Variants in SLC30A9 observed in about 807,000 individuals in gnomAD.
SLC30A9 encodes the protein proton-coupled zinc antiporter SLC30A9, mitochondrial.
SLC30A9 carries 58 observed loss-of-function variants against 87.5 expected under a neutral mutation model. The observed-to-expected ratio is 0.66, with a 90% CI of 0.54 to 0.82. SLC30A9 has a LOEUF of 0.82. Among genes scored for constraint, SLC30A9 ranks in the 40% least tolerant of loss-of-function variants. SLC30A9 has a pLI of 0.00. For missense variants in SLC30A9, 557 were observed against 679.1 expected (o/e 0.82, Z 2.00); for synonymous variants, 234 against 233.0 (o/e 1.00, Z -0.04).
At chr4:42,064,236 T>C (rs1356383444) in intron 11 of SLC30A9, among the ~76,000 whole-genome samples, 1 of 152,206 alleles carries the variant, frequency 6.6e-6, no homozygotes, top group Non-Finnish European at 1.5e-5. Context: ...GATGTGGAGC[T>C]AGCATGTAGT....
intron 15 of SLC30A9, among the ~76,000 whole-genome samples, chr4:42,072,452 T>C (rs1436220502): frequency 6.6e-6 from 1 of 152,172 alleles, no homozygotes; most frequent in East Asian, 1.9e-4. Context: ...TTCCATATAT[T>C]GTGCCATTTT....
chr4:42,038,915 C>G (rs1227447723), intron 7 of SLC30A9, 71 bp from the exon 8 acceptor site: 3 of 980,488 alleles, frequency 3.1e-6, no homozygotes, highest in Non-Finnish European at 4.9e-6. Context: ...TCTGGTCTGT[C>G]AAAGCCACCA....
At chr4:42,014,522 A>T (rs1264601919) in intron 2 of SLC30A9, among the ~76,000 whole-genome samples, 2 of 149,230 alleles carry the variant, frequency 1.3e-5, no homozygotes, top group Non-Finnish European at 3.0e-5. Flanking sequence ...GTGCTGCTGC[A>T]CTCCAGCCTG....
At chr4:42,023,992 G>A (rs1259333891) in intron 6 of SLC30A9, among the ~76,000 whole-genome samples, 1 of 152,170 alleles carries the variant, frequency 6.6e-6, no homozygotes, top group Admixed American at 6.5e-5. Flanking sequence ...CTCCCACCAT[G>A]GCCTGTCCTC....
At chr4:42,045,369 G>T (rs942181945) in intron 8 of SLC30A9, among the ~76,000 whole-genome samples, 6 of 152,038 alleles carry the variant, frequency 3.9e-5, no homozygotes, top group Non-Finnish European at 7.4e-5. Context: ...AATGAAAAAT[G>T]ATAAAGGGGA....
chr4:42,073,519 C>T (rs992569921), intron 15 of SLC30A9, among the ~76,000 whole-genome samples: 1 of 152,096 alleles, frequency 6.6e-6, no homozygotes, highest in Non-Finnish European at 1.5e-5. Context: ...AACATATTAC[C>T]ATCTTACAGT....
chr4:42,075,616 G>A, intron 15 of SLC30A9, 41 bp from the exon 16 acceptor site: 1 of 1,544,368 alleles, frequency 6.5e-7, no homozygotes, highest in African/African-American at 1.4e-5. Context: ...ATATGTGTAT[G>A]TATGTATAAA....
intron 14 of SLC30A9, chr4:42,070,256 C>G: frequency 3.4e-6 from 1 of 297,222 alleles, no homozygotes; most frequent in Non-Finnish European, 6.2e-6. Flanking sequence ...TGTCTCTAAT[C>G]TAAATGTGCT....
chr4:42,079,162 A>T (rs539989221), intron 17 of SLC30A9, among the ~76,000 whole-genome samples: 1 of 152,242 alleles, frequency 6.6e-6, no homozygotes, highest in African/African-American at 2.4e-5. Context: ...CTTAAAAATT[A>T]TTGCAGACCT....
intron 6 of SLC30A9, among the ~76,000 whole-genome samples, chr4:42,024,864 A>G (rs1716120935): frequency 6.6e-6 from 1 of 152,146 alleles, no homozygotes; most frequent in Non-Finnish European, 1.5e-5. Flanking sequence ...AATAATTTTT[A>G]TATGTTTTGT....
chr4:42,035,448 C>A, intron 7 of SLC30A9, 115 bp downstream of exon 7: 3 of 1,110,732 alleles, frequency 2.7e-6, no homozygotes, highest in Non-Finnish European at 3.8e-6. Context: ...TTCTTGAGTA[C>A]ATTGTAGTTC....
At chr4:42,030,499 T>C (rs1283670973) in intron 6 of SLC30A9, among the ~76,000 whole-genome samples, 2 of 152,164 alleles carry the variant, frequency 1.3e-5, no homozygotes, top group East Asian at 3.8e-4. Flanking sequence ...AGCCATGTGT[T>C]ATCGTATCTG....
rs970119872 is a variant in SLC30A9, at chr4:42,073,690, C to A, written c.1419-1967C>A. ...ATTGTTCGCAAGATTTAGCTCCTTG[C>A]CAAATGGGCCTCTTCAACATGGCAG... On this transcript the variant is annotated intron_variant, in intron 15 of 17. Coordinates refer to ENST00000264451, the MANE Select transcript of SLC30A9 (RefSeq NM_006345.4). Among the ~76,000 whole-genome samples, 3 of 152,144 alleles carry A rather than the reference C, an allele frequency of 2.0e-5. No homozygotes were observed. The East Asian group carries it at 5.8e-4, about 29-fold the overall frequency.
chr4:41,999,989 G>A (rs1714908427), intron 1 of SLC30A9, among the ~76,000 whole-genome samples: 1 of 152,074 alleles, frequency 6.6e-6, no homozygotes, highest in African/African-American at 2.4e-5. Context: ...AGATGAAATT[G>A]TCCATGAGTT....
chr4:41,991,902 A>T (rs540776495), intron 1 of SLC30A9, among the ~76,000 whole-genome samples: 1 of 152,350 alleles, frequency 6.6e-6, no homozygotes, highest in African/African-American at 2.4e-5. Flanking sequence ...TTTGCAATAA[A>T]TGTAAAGCTG....
chr4:42,032,717 G>T (rs1005142531), intron 6 of SLC30A9, among the ~76,000 whole-genome samples: 21 of 152,166 alleles, frequency 1.4e-4, no homozygotes, highest in African/African-American at 4.1e-4. Context: ...TGCTCAAACT[G>T]TCCTAATGTT....
In SLC30A9 at chr4:42,088,271, A is replaced by G. The variant is rs1718992538; in HGVS notation, c.*2145A>G. 6.6e-6 allele frequency: 1 copy of G among 152,134 alleles called. No homozygotes were observed. Among genetic ancestry groups the G allele is most frequent in the Admixed American group, 6.6e-5 (1 of 15,260 alleles). The allele number at this position is 152,134 out of a possible 1,614,324, so 9.4% of individuals were successfully genotyped here. A position where few individuals can be genotyped will look rare whatever the true frequency, so the allele number is the denominator to read the frequency against. On this transcript the variant is annotated 3_prime_UTR_variant, in exon 18 of 18. Transcript: ENST00000264451. ...TCAAATCAGAGAATTTGGGCTGGAT[A>G]TGGTGGCTTATGCCTGTAATCCCAG...
Position 42,022,930 on chromosome 4 carries a change from A to C in SLC30A9, c.527A>C (p.Lys176Thr). 6.6e-7 allele frequency: 1 copy of C among 1,524,506 alleles called. No homozygotes were observed. Among genetic ancestry groups the C allele is most frequent in the Admixed American group, 1.9e-5 (1 of 53,996 alleles). 94.4% of individuals were successfully genotyped at this position (1,524,506 alleles called of 1,614,324 possible). The change falls in exon 5 of 18, where the codon AAA becomes ACA. Residue 176 changes from lysine (K) to threonine (T), a missense_variant and splice_region_variant. Coordinates refer to ENST00000264451, the MANE Select transcript of SLC30A9 (RefSeq NM_006345.4). ...TVYLRSDVEAKSLEVWGSPEA... is the reference protein window; with the variant it reads ...TVYLRSDVEATSLEVWGSPEA... ...TACTTGAGATCAGATGTGGAAGCAA[A>C]GTAAGAACATAGTTCTTTCAGAATA... is the stretch of plus-strand genomic sequence containing the variant.
In SLC30A9 at chr4:42,087,499, A is replaced by T. The variant is rs1406799928; in HGVS notation, c.*1373A>T. 6.6e-6 allele frequency: 1 copy of T among 152,198 alleles called. No homozygotes were observed. Among genetic ancestry groups the T allele is most frequent in the African/African-American group, 2.4e-5 (1 of 41,456 alleles). 9.4% of individuals were successfully genotyped at this position (152,198 alleles called of 1,614,324 possible). On this transcript the variant is annotated 3_prime_UTR_variant, in exon 18 of 18. Transcript: ENST00000264451. ...TTGCAAATTGTAATGCTGGAAACAA[A>T]AAATAAATCCTTGGTTAAAGGGTTT...
Sources: allele counts gnomAD v4.1 joint callset (sites outside exome capture counted in the v4.1 genomes callset), GRCh38; gene constraint gnomAD v4.1.1; transcripts MANE v1.5; gene names NCBI Gene and HGNC (gene_info 2026-07-23, HGNC 2026-07-21).